CEP170: variants seen among roughly 807,000 people sequenced by gnomAD.
The protein encoded by CEP170 is centrosomal protein of 170 kDa.
A neutral mutation model predicts 151.9 loss-of-function variants in CEP170; 21 were observed. That is an observed-to-expected ratio of 0.14 (90% CI 0.10 to 0.20). CEP170 has a LOEUF of 0.20. Among genes scored for constraint, CEP170 ranks in the 10% least tolerant of loss-of-function variants. CEP170 has a pLI of 1.00. For synonymous variants in CEP170, 356 were observed against 648.8 expected (o/e 0.55, Z 6.86); for missense variants, 964 against 1,892.9 (o/e 0.51, Z 9.11).
chr1:243,253,387 A>C (rs1217878779), intron 1 of CEP170: 1 of 152,200 alleles, frequency 6.6e-6, no homozygotes, highest in Admixed American at 6.5e-5. Context: ...ATCACTCTGC[A>C]GAATGGACCT....
chr1:243,165,470 G>C lies in CEP170; in HGVS notation c.2490C>G (p.Ser830=). 6.3e-7 allele frequency: 1 copy of C among 1,597,304 alleles called. No homozygotes were observed. The highest frequency in any genetic ancestry group is 8.5e-7 in the Non-Finnish European group (1 of 1,171,564). The change falls in exon 13 of 20, where the codon TCC becomes TCG. Residue 830 remains serine (S), a synonymous_variant. Transcript: ENST00000366542. The part of the protein sequence containing the change: ...TPKGGDKKES[S]KSLVRQGSFT... ...AGCTCCCTTGTCGCACTAATGACTT[G>C]GAGGATTCCTTCTTGTCTCCTCCCT...
At position 243,125,495 on chromosome 1, in the gene CEP170, T is replaced by G. The variant is rs1368412207; in HGVS notation, c.*954A>C. The G allele has an allele frequency of 6.5e-6, 1 of 152,720 alleles. No homozygotes were observed. The highest frequency in any genetic ancestry group is 1.9e-4 in the East Asian group (1 of 5,202). The allele number at this position is 152,720 out of a possible 1,614,324, so 9.5% of individuals were successfully genotyped here. A position where few individuals can be genotyped will look rare whatever the true frequency, so the allele number is the denominator to read the frequency against. On this transcript the variant is annotated 3_prime_UTR_variant, in exon 20 of 20. Coordinates refer to ENST00000366542, the MANE Select transcript of CEP170 (RefSeq NM_014812.3). Reference sequence around the variant, plus strand: ...AGAAAATTTTAACCTCATGATCATTTCAAGGGAATTTCTTTTTCAACTGTC... The same window carrying G: ...AGAAAATTTTAACCTCATGATCATTGCAAGGGAATTTCTTTTTCAACTGTC...
chr1:243,179,003 C>T (rs1447733812), intron 10 of CEP170, among the ~76,000 whole-genome samples: 1 of 152,200 alleles, frequency 6.6e-6, no homozygotes, highest in Admixed American at 6.5e-5. Flanking sequence ...AGGCGTGAGC[C>T]ACTGCGCTCA....
chr1:243,196,737 A>G (rs1572199339), intron 7 of CEP170, among the ~76,000 whole-genome samples: 2 of 152,274 alleles, frequency 1.3e-5, no homozygotes, highest in African/African-American at 4.8e-5. Flanking sequence ...GCACAGTGAT[A>G]GTATATTATG....
intron 3 of CEP170, among the ~76,000 whole-genome samples, chr1:243,214,915 T>A (rs1377238305): frequency 2.0e-5 from 3 of 152,118 alleles, no homozygotes; most frequent in Admixed American, 6.6e-5. Flanking sequence ...ATATTTTTTT[T>A]AAAAAAGGGT....
At chr1:243,173,293 C>T (rs1204856488) in intron 10 of CEP170, among the ~76,000 whole-genome samples, 4 of 151,722 alleles carry the variant, frequency 2.6e-5, no homozygotes, top group East Asian at 2.0e-4. Flanking sequence ...CTCCCGACCT[C>T]AGGTGATCTG....
At position 243,191,193 on chromosome 1, in the gene CEP170, C is replaced by T. The variant is rs1317923973; in HGVS notation, c.933G>A (p.Lys311=). ...GCAAGTCTTGAGTTCCAGGAGAAGA[C>T]TTCTTGGACTTGTGGCGCTGATCAG... The part of the protein sequence containing the change: ...FTSDQRHKSK[K]SSPGTQDLLG... The change falls in exon 8 of 20, where the codon AAG becomes AAA. Residue 311 remains lysine, a synonymous_variant. Coordinates refer to ENST00000366542, the MANE Select transcript of CEP170 (RefSeq NM_014812.3). 3 of 1,611,224 alleles carry T rather than the reference C, an allele frequency of 1.9e-6. No homozygotes were observed. The highest frequency in any genetic ancestry group is 2.2e-5 in the East Asian group (1 of 44,824).
rs1392510143 is a variant in CEP170, at chr1:243,156,489, T to A, written c.3677-34A>T. On this transcript the variant is annotated intron_variant, in intron 13 of 19. Coordinates refer to ENST00000366542, the MANE Select transcript of CEP170 (RefSeq NM_014812.3). ...GTTTAATTATTAAAAAAAGAATTATTATGTTATCATTTAAAGGAGGTAAAA... is the reference window on the plus strand; with the variant it reads ...GTTTAATTATTAAAAAAAGAATTATAATGTTATCATTTAAAGGAGGTAAAA... 4.0e-6 allele frequency: 6 copies of A among 1,509,914 alleles called. No individual in the cohort carries two copies. In the East Asian group the frequency reaches 1.5e-4, roughly 37 times the overall value. The allele number at this position is 1,509,914 out of a possible 1,614,324, so 93.5% of individuals were successfully genotyped here. A position where few individuals can be genotyped will look rare whatever the true frequency, so the allele number is the denominator to read the frequency against.
At chr1:243,192,481 T>C (rs2060366936) in intron 7 of CEP170, among the ~76,000 whole-genome samples, 1 of 152,296 alleles carries the variant, frequency 6.6e-6, no homozygotes, top group African/African-American at 2.4e-5. Context: ...TGTCCTGTTG[T>C]TGAAGAAGCA....
chr1:243,172,103 T>C (rs1240243298), intron 11 of CEP170, among the ~76,000 whole-genome samples: 1 of 152,214 alleles, frequency 6.6e-6, no homozygotes, highest in Non-Finnish European at 1.5e-5. Context: ...GATATGTTTC[T>C]TGTTTTATCT....
intron 4 of CEP170, among the ~76,000 whole-genome samples, chr1:243,203,666 T>G (rs2061209785): frequency 6.6e-6 from 1 of 152,094 alleles, no homozygotes; most frequent in African/African-American, 2.4e-5. Flanking sequence ...TTTTCAAAAT[T>G]AATATATTTC....
At position 243,186,352 on chromosome 1, in the gene CEP170, A is replaced by G; in HGVS notation, c.1179T>C (p.Arg393=). The G allele has an allele frequency of 6.2e-7, 1 of 1,613,728 alleles. No homozygotes were observed. The highest frequency in any genetic ancestry group is 8.5e-7 in the Non-Finnish European group (1 of 1,179,686). The change falls in exon 9 of 20, where the codon CGT becomes CGC. Residue 393 remains arginine (R), a synonymous_variant. Transcript: ENST00000366542. ...NAGAHRRCSK[R]ATLEEHLRRH... Reference sequence around the variant, plus strand: ...GTCTTAAGTGTTCCTCAAGAGTTGCACGTTTGCTACAGCGCCTGTGAGCCC... The same window carrying G: ...GTCTTAAGTGTTCCTCAAGAGTTGCGCGTTTGCTACAGCGCCTGTGAGCCC...
In CEP170 at chr1:243,132,987, T is replaced by C. The variant is rs373453805; in HGVS notation, c.4319+3156A>G. On this transcript the variant is annotated intron_variant, in intron 17 of 19. Transcript: ENST00000366542. Reference sequence around the variant, plus strand: ...CACTGGTGTATCAAGAGGACCCATATTGGATATATTAGCTTCCTATGGTTT... The same window carrying C: ...CACTGGTGTATCAAGAGGACCCATACTGGATATATTAGCTTCCTATGGTTT... Among the ~76,000 whole-genome samples, 37 of 152,326 alleles carry C rather than the reference T, an allele frequency of 2.4e-4. No individual in the cohort carries two copies. In the South Asian group the frequency reaches 6.2e-3, roughly 26 times the overall value.
rs2053579982 is a variant in CEP170 at position 243,124,829 on chromosome 1, T to C, written c.*1620A>G. On this transcript the variant is annotated 3_prime_UTR_variant, in exon 20 of 20. Transcript: ENST00000366542. Reference sequence around the variant, plus strand: ...TTAAAACCTTTTTTCAGTCTTCCTTTATTAGACAGAATGGGGAATTTAGCT... The same window carrying C: ...TTAAAACCTTTTTTCAGTCTTCCTTCATTAGACAGAATGGGGAATTTAGCT... 6.6e-6 allele frequency: 1 copy of C among 152,586 alleles called. No individual in the cohort carries two copies. The highest frequency in any genetic ancestry group is 2.4e-5 in the African/African-American group (1 of 41,462). The allele number at this position is 152,586 out of a possible 1,614,324, so 9.5% of individuals were successfully genotyped here.
chr1:243,180,097 A>G (rs1035739193), intron 10 of CEP170, among the ~76,000 whole-genome samples: 4 of 152,266 alleles, frequency 2.6e-5, no homozygotes, highest in African/African-American at 9.6e-5. Flanking sequence ...TGCTAAGACG[A>G]TAAATTTTCT....
chr1:243,151,608 C>T (rs1470232537), intron 14 of CEP170, among the ~76,000 whole-genome samples: 1 of 152,272 alleles, frequency 6.6e-6, no homozygotes, highest in Non-Finnish European at 1.5e-5. Flanking sequence ...GAAAAGTTTG[C>T]AGAGGTTGGT....
rs201082752 is a variant in CEP170 at position 243,165,333 on chromosome 1, C to T, written c.2627G>A (p.Arg876Gln). The change falls in exon 13 of 20, where the codon CGA becomes CAA. Residue 876 changes from arginine to glutamine, a missense_variant. Coordinates refer to ENST00000366542, the MANE Select transcript of CEP170 (RefSeq NM_014812.3). ...SLALTSASRIRERSESLDPDS... is the reference protein window; with the variant it reads ...SLALTSASRIQERSESLDPDS... ...AGGATCCAAAGACTCACTTCTTTCT[C>T]GTATTCTACTTGCAGATGTTAATGC... The T allele has an allele frequency of 4.6e-3, 6,983 of 1,525,258 alleles. 18 individuals are homozygous for T. The highest frequency in any genetic ancestry group is 6.0e-3 in the Middle Eastern group (35 of 5,802). The allele number at this position is 1,525,258 out of a possible 1,614,324, so 94.5% of individuals were successfully genotyped here.
intron 14 of CEP170, 111 bp downstream of exon 14, chr1:243,156,110 G>A (rs1264607805): frequency 7.7e-7 from 1 of 1,301,196 alleles, no homozygotes; most frequent in East Asian, 2.5e-5. Flanking sequence ...GTTATCTGTG[G>A]ATTTCAGTTC....
At chr1:243,169,798 T>C (rs1437798080) in intron 11 of CEP170, 44 bp from the exon 12 acceptor site, 3 of 1,571,900 alleles carry the variant, frequency 1.9e-6, no homozygotes. Flanking sequence ...AGCCTGGTCA[T>C]ATCTGAGTCT....
Sources: allele counts gnomAD v4.1 joint callset (sites outside exome capture counted in the v4.1 genomes callset), GRCh38; gene constraint gnomAD v4.1.1; transcripts MANE v1.5; gene names NCBI Gene and HGNC (gene_info 2026-07-23, HGNC 2026-07-21).